The following DAAM1 variants were observed in gnomAD, a reference collection of about 807,000 sequenced individuals.
DAAM1 encodes disheveled-associated activator of morphogenesis 1.
Under a neutral mutation model 130.0 loss-of-function variants are expected in DAAM1, and 52 were observed. That is an observed-to-expected ratio of 0.40 (90% CI 0.32 to 0.50). The LOEUF (loss-of-function observed/expected upper bound fraction) is 0.50, where lower values mean the gene tolerates loss of function less well. DAAM1 is among the 20% of genes least tolerant of loss of function. The probability of loss-of-function intolerance (pLI) is 0.61; values close to 1 mark genes in which losing one functional copy is unlikely to be tolerated. For synonymous variants in DAAM1, 452 were observed against 444.5 expected, an observed-to-expected ratio of 1.02 and a Z score of -0.21; for missense variants, 1,134 against 1,303.8, an observed-to-expected ratio of 0.87 and a Z score of 2.01.
chr14:59,238,679 G>A (rs1208600507), intron 1 of DAAM1, among the ~76,000 whole-genome samples: 3 of 152,008 alleles, frequency 2.0e-5, no homozygotes, highest in African/African-American at 7.2e-5. Context: ...GACATGTAGC[G>A]GCTTACTGAC....
At chr14:59,324,296 T>C (rs1009367403) in intron 7 of DAAM1, 55 bp from the exon 8 acceptor site, 80 of 1,437,736 alleles carry the variant, frequency 5.6e-5, no homozygotes, top group Non-Finnish European at 7.3e-5. Flanking sequence ...TAAAAAGTGA[T>C]TATTATGTAG....
chr14:59,243,752 C>T (rs902790423), intron 1 of DAAM1, among the ~76,000 whole-genome samples: 2 of 152,150 alleles, frequency 1.3e-5, no homozygotes, highest in African/African-American at 4.8e-5. Flanking sequence ...TGACTGAATA[C>T]AGCTGTTTCA....
intron 16 of DAAM1, among the ~76,000 whole-genome samples, chr14:59,345,753 T>G (rs1167238498): frequency 1.3e-5 from 2 of 152,134 alleles, no homozygotes; most frequent in African/African-American, 2.4e-5. Context: ...GTCTTGAGGA[T>G]TTCAGCATAT....
chr14:59,218,983 T>G (rs1486622017), intron 1 of DAAM1, among the ~76,000 whole-genome samples: 1 of 152,178 alleles, frequency 6.6e-6, no homozygotes, highest in Admixed American at 6.5e-5. Flanking sequence ...AACCTGTTAG[T>G]GCTCTAGGAA....
intron 3 of DAAM1, chr14:59,299,720 G>A (rs1411852315): frequency 1.3e-5 from 2 of 152,130 alleles, no homozygotes; most frequent in Non-Finnish European, 2.9e-5. Context: ...CTGGTAAAAG[G>A]AGGACTTATT....
intron 1 of DAAM1, among the ~76,000 whole-genome samples, chr14:59,255,795 G>C (rs1327956565): frequency 6.6e-6 from 1 of 152,158 alleles, no homozygotes; most frequent in East Asian, 1.9e-4. Flanking sequence ...CTATATTTTA[G>C]TGTTGAGATT....
At chr14:59,329,225 C>G (rs1334788103) in intron 12 of DAAM1, among the ~76,000 whole-genome samples, 1 of 152,104 alleles carries the variant, frequency 6.6e-6, no homozygotes, top group Non-Finnish European at 1.5e-5. Context: ...TCAGGTAATT[C>G]TGAGACACAG....
chr14:59,305,095 G>A (rs1475770701), intron 3 of DAAM1, among the ~76,000 whole-genome samples: 2 of 152,210 alleles, frequency 1.3e-5, no homozygotes, highest in African/African-American at 4.8e-5. Flanking sequence ...TGACACCACT[G>A]ATTGAATTTG....
chr14:59,316,340 T>G (rs972384788), intron 4 of DAAM1, among the ~76,000 whole-genome samples: 4 of 152,212 alleles, frequency 2.6e-5, no homozygotes, highest in African/African-American at 9.7e-5. Context: ...CTGGAATAGT[T>G]AAAAACTGAT....
At chr14:59,253,057 A>C (rs1164527564) in intron 1 of DAAM1, among the ~76,000 whole-genome samples, 1 of 152,102 alleles carries the variant, frequency 6.6e-6, no homozygotes, top group Non-Finnish European at 1.5e-5. Context: ...GGTTTCTCCC[A>C]CCTTGACTTT....
intron 3 of DAAM1, among the ~76,000 whole-genome samples, chr14:59,302,771 A>C (rs1192742708): frequency 2.0e-5 from 3 of 152,170 alleles, no homozygotes; most frequent in African/African-American, 7.2e-5. Context: ...CTCCTGCCTC[A>C]GCCTCCCGAG....
intron 6 of DAAM1, 99 bp downstream of exon 6, chr14:59,323,324 C>G: frequency 7.9e-7 from 1 of 1,267,582 alleles, no homozygotes; most frequent in Non-Finnish European, 1.1e-6. Context: ...CTTGAGATGT[C>G]CTCTTGTGGT....
chr14:59,247,952 C>T (rs961448823), intron 1 of DAAM1, among the ~76,000 whole-genome samples: 2 of 151,940 alleles, frequency 1.3e-5, no homozygotes, highest in African/African-American at 4.8e-5. Context: ...TTGAGTGTAC[C>T]CTAAATCATT....
chr14:59,277,901 G>T (rs1459329732), intron 2 of DAAM1, among the ~76,000 whole-genome samples: 3 of 152,090 alleles, frequency 2.0e-5, no homozygotes, highest in African/African-American at 2.4e-5. Context: ...ACCAGCAGGG[G>T]ATATGGCCCA....
chr14:59,260,485 T>G (rs1882115854), intron 1 of DAAM1, among the ~76,000 whole-genome samples: 1 of 152,216 alleles, frequency 6.6e-6, no homozygotes, highest in Non-Finnish European at 1.5e-5. Flanking sequence ...ACTGTATTGT[T>G]TATTCTTTAT....
intron 2 of DAAM1, among the ~76,000 whole-genome samples, chr14:59,290,082 C>G (rs577538855): frequency 1.1e-4 from 16 of 151,886 alleles, no homozygotes; most frequent in Admixed American, 3.3e-4. Flanking sequence ...CAGTGACATG[C>G]GAGTTACCTA....
chr14:59,331,637 A>G, intron 14 of DAAM1, 129 bp downstream of exon 14: 5 of 1,506,424 alleles, frequency 3.3e-6, no homozygotes, highest in Non-Finnish European at 4.4e-6. Context: ...AGTTCTCACT[A>G]GCTCAGATAT....
At chr14:59,242,110 A>G (rs759494271) in intron 1 of DAAM1, among the ~76,000 whole-genome samples, 3 of 152,214 alleles carry the variant, frequency 2.0e-5, no homozygotes, top group Admixed American at 1.3e-4. Context: ...TATCTTAACT[A>G]AAGTCACAGA....
chr14:59,250,719 C>T (rs948106598), intron 1 of DAAM1, among the ~76,000 whole-genome samples: 2 of 152,096 alleles, frequency 1.3e-5, no homozygotes, highest in Admixed American at 1.3e-4. Context: ...GCATCTTGTG[C>T]GTGCTAAGCA....
Sources: allele counts gnomAD v4.1 joint callset (sites outside exome capture counted in the v4.1 genomes callset), GRCh38; gene constraint gnomAD v4.1.1; transcripts MANE v1.5; gene names NCBI Gene and HGNC (gene_info 2026-07-23, HGNC 2026-07-21).